Variants in RFC3 observed in about 807,000 individuals in gnomAD.
RFC3 encodes A1 38 kDa subunit.
RFC3 carries 41 observed loss-of-function variants against 45.1 expected under a neutral mutation model. The observed-to-expected ratio is 0.91, with a 90% CI of 0.71 to 1.18. RFC3 has a LOEUF of 1.18. RFC3 is among the 50% of genes most tolerant of loss of function. The probability of loss-of-function intolerance (pLI) is 0.00; values close to 1 mark genes in which losing one functional copy is unlikely to be tolerated. For missense variants in RFC3, 423 were observed against 428.1 expected (o/e 0.99, Z 0.10); for synonymous variants, 149 against 144.0 (o/e 1.03, Z -0.25).
At chr13:33,921,560 G>A (rs2082769187) in intron 8 of RFC3, among the ~76,000 whole-genome samples, 1 of 152,136 alleles carries the variant, frequency 6.6e-6, no homozygotes, top group African/African-American at 2.4e-5. Context: ...GGAGGAGATT[G>A]CATTTGTTAC....
At chr13:33,877,121 C>A (rs2082452890) in intron 8 of RFC3, among the ~76,000 whole-genome samples, 1 of 152,198 alleles carries the variant, frequency 6.6e-6, no homozygotes, top group Non-Finnish European at 1.5e-5. Flanking sequence ...ATAGGAACTT[C>A]ATGATATAGG....
At chr13:33,951,039 CT>C (rs926664684) in intron 8 of RFC3, among the ~76,000 whole-genome samples, 279 of 60,810 alleles carry the variant, frequency 4.6e-3, no homozygotes, top group African/African-American at 0.015. Context: ...TCTGATGGCT[CT>C]TTTTTTTTTT....
intron 8 of RFC3, among the ~76,000 whole-genome samples, chr13:33,963,180 T>TTG (rs1566044400): frequency 6.9e-5 from 1 of 14,408 alleles, no homozygotes; most frequent in Non-Finnish European, 2.9e-3. Flanking sequence ...AATTAAAATA[T>TTG]TATAAGTAAA....
Position 33,837,081 on chromosome 13 carries a change from C to A in RFC3, c.*786C>A. On this transcript the variant is annotated 3_prime_UTR_variant, in exon 9 of 9. Coordinates refer to ENST00000380071, the MANE Select transcript of RFC3 (RefSeq NM_002915.4). ...TTTGTGTGACAGACTCCGAACAATT[C>A]CTTTACTACGAAGTATAATTTATAA... The A allele has an allele frequency of 1.0e-6, 1 of 972,126 alleles. No homozygotes were observed. Among genetic ancestry groups the A allele is most frequent in the Non-Finnish European group, 1.2e-6 (1 of 817,886 alleles). 60.2% of individuals were successfully genotyped at this position (972,126 alleles called of 1,614,324 possible).
intron 8 of RFC3, among the ~76,000 whole-genome samples, chr13:33,844,946 C>A (rs967450538): frequency 1.3e-5 from 2 of 152,268 alleles, no homozygotes; most frequent in Admixed American, 1.3e-4. Flanking sequence ...ATCCCTTTGG[C>A]ATTACTTGTA....
intron 8 of RFC3, among the ~76,000 whole-genome samples, chr13:33,861,987 T>C (rs190138651): frequency 5.8e-4 from 89 of 152,354 alleles, no homozygotes; most frequent in Admixed American, 4.4e-3. Flanking sequence ...TGTGAAAATA[T>C]GCTTCTTGCA....
At chr13:33,947,453 G>A (rs564053963) in intron 8 of RFC3, among the ~76,000 whole-genome samples, 13 of 151,992 alleles carry the variant, frequency 8.6e-5, no homozygotes, top group African/African-American at 2.9e-4. Context: ...TTATAGCAGC[G>A]TGAGAATGGA....
chr13:33,847,708 T>A (rs2082248299), intron 8 of RFC3: 1 of 152,238 alleles, frequency 6.6e-6, no homozygotes, highest in Admixed American at 6.5e-5. Context: ...CAATCCATTT[T>A]AATCTGGTTT....
chr13:33,827,497 G>A (rs769161485), intron 4 of RFC3, among the ~76,000 whole-genome samples: 17 of 151,886 alleles, frequency 1.1e-4, no homozygotes, highest in Non-Finnish European at 2.9e-5. Flanking sequence ...GTTGAACATC[G>A]GTTATTATAA....
chr13:33,884,692 G>T (rs560127046), intron 8 of RFC3, among the ~76,000 whole-genome samples: 3 of 152,194 alleles, frequency 2.0e-5, no homozygotes, highest in Non-Finnish European at 4.4e-5. Context: ...CTTGAGCACA[G>T]AGTCCATCTC....
rs73172063 is a variant in RFC3 at position 33,934,522 on chromosome 13, C to T, written c.880-31565C>T. Among the ~76,000 whole-genome samples, 1,324 of 152,030 alleles carry T rather than the reference C, an allele frequency of 8.7e-3. 8 individuals are homozygous for T. Among genetic ancestry groups the T allele is most frequent in the Non-Finnish European group, 0.014 (949 of 67,950 alleles). ...TTCCTATCTTGTTTCCCTGGATGTC[C>T]GAATCAGTTACTACCAGATCCTCTG... is the stretch of plus-strand genomic sequence containing the variant. On this transcript the variant is annotated intron_variant, in intron 8 of 8. Coordinates refer to the RFC3 transcript ENST00000434425.
intron 8 of RFC3, among the ~76,000 whole-genome samples, chr13:33,927,777 G>C (rs1441214634): frequency 6.6e-6 from 1 of 152,018 alleles, no homozygotes; most frequent in South Asian, 2.1e-4. Context: ...CTGGTGTGTG[G>C]GTGACTTCTG....
Position 33,837,131 on chromosome 13 carries a change from T to A in RFC3, c.*836T>A. On this transcript the variant is annotated 3_prime_UTR_variant, in exon 9 of 9. Transcript: ENST00000380071. ...AAATAAAATATACCCATTTTAAGGG[T>A]ACAGTTTGATTTTTGACCAGTGAAA... 1.2e-6 allele frequency: 1 copy of A among 840,432 alleles called. No homozygotes were observed. The highest frequency in any genetic ancestry group is 1.4e-6 in the Non-Finnish European group (1 of 697,872). 52.1% of individuals were successfully genotyped at this position (840,432 alleles called of 1,614,324 possible).
intron 8 of RFC3, among the ~76,000 whole-genome samples, chr13:33,883,650 A>G (rs1050124890): frequency 5.9e-5 from 9 of 152,220 alleles, no homozygotes; most frequent in African/African-American, 1.9e-4. Flanking sequence ...AGAAATAGGT[A>G]AAGGGTACAT....
chr13:33,861,570 A>G (rs2082341131), intron 8 of RFC3, among the ~76,000 whole-genome samples: 1 of 151,036 alleles, frequency 6.6e-6, no homozygotes, highest in Non-Finnish European at 1.5e-5. Context: ...TCTTGAACCC[A>G]GGAGGTGGAG....
chr13:33,962,920 C>T (rs1980923), intron 8 of RFC3, among the ~76,000 whole-genome samples: 1 of 152,038 alleles, frequency 6.6e-6, no homozygotes, highest in African/African-American at 2.4e-5. Context: ...TAGAATTTGT[C>T]TAATAGAACA....
At chr13:33,921,362 A>G (rs917221361) in intron 8 of RFC3, among the ~76,000 whole-genome samples, 2 of 152,158 alleles carry the variant, frequency 1.3e-5, no homozygotes, top group Non-Finnish European at 2.9e-5. Context: ...AACGGCTTTG[A>G]AGGAGAGAAC....
At chr13:33,931,316 A>G (rs1465475580) in intron 8 of RFC3, among the ~76,000 whole-genome samples, 1 of 152,094 alleles carries the variant, frequency 6.6e-6, no homozygotes, top group Non-Finnish European at 1.5e-5. Context: ...TTAGCACACA[A>G]CAGCATTGCC....
intron 8 of RFC3, among the ~76,000 whole-genome samples, chr13:33,879,532 C>A (rs937454168): frequency 2.6e-5 from 4 of 152,040 alleles, no homozygotes; most frequent in Non-Finnish European, 5.9e-5. Flanking sequence ...AAAATAAAAA[C>A]AAACAAAAAC....
Sources: gnomAD v4.1 joint callset for allele counts (sites outside exome capture counted in the v4.1 genomes callset) on GRCh38, gnomAD v4.1.1 for gene constraint, MANE v1.5 for transcripts, NCBI Gene and HGNC (gene_info 2026-07-23, HGNC 2026-07-21) for gene names.